Variants in NEGR1 observed in about 807,000 individuals in gnomAD.
NEGR1 encodes IgLON family member 4.
In NEGR1, 10 loss-of-function variants were observed where a neutral mutation model predicts 40.9. The ratio of observed to expected loss-of-function variants is 0.24; its 90% CI spans 0.15 to 0.42. The LOEUF (loss-of-function observed/expected upper bound fraction) is 0.42. Among genes scored for constraint, NEGR1 ranks in the 10% least tolerant of loss-of-function variants. NEGR1 has a pLI of 1.00. For missense variants in NEGR1, 352 were observed against 438.9 expected, an observed-to-expected ratio of 0.80 and a Z score of 1.77; for synonymous variants, 185 against 166.8, an observed-to-expected ratio of 1.11 and a Z score of -0.84.
intron 1 of NEGR1, among the ~76,000 whole-genome samples, chr1:72,136,008 T>C (rs928108383): frequency 1.3e-5 from 2 of 152,152 alleles, no homozygotes; most frequent in Non-Finnish European, 2.9e-5. Flanking sequence ...GATGAAACAA[T>C]TTCCAAGTAA....
At chr1:71,746,397 G>A (rs60397116) in intron 3 of NEGR1, among the ~76,000 whole-genome samples, 11,016 of 152,112 alleles carry the variant, frequency 0.072, 493 homozygotes, top group East Asian at 0.14. Context: ...AACTTAGATA[G>A]GTGTTTCAGC....
intron 6 of NEGR1, among the ~76,000 whole-genome samples, chr1:71,569,277 T>C (rs1012429705): frequency 1.3e-5 from 2 of 152,024 alleles, no homozygotes; most frequent in African/African-American, 4.8e-5. Flanking sequence ...TATATAAATT[T>C]CAGAATCTTA....
chr1:72,216,292 T>C (rs1653806730), intron 1 of NEGR1, among the ~76,000 whole-genome samples: 1 of 150,400 alleles, frequency 6.6e-6, no homozygotes, highest in Non-Finnish European at 1.5e-5. Flanking sequence ...GTTGACAGGT[T>C]CAGCAAACCA....
At chr1:72,143,057 G>C (rs560532916) in intron 1 of NEGR1, among the ~76,000 whole-genome samples, 3 of 151,920 alleles carry the variant, frequency 2.0e-5, no homozygotes, top group Admixed American at 2.0e-4. Context: ...GAGCAATACT[G>C]TTCTGATGAA....
chr1:72,187,297 T>C (rs534853961), intron 1 of NEGR1, among the ~76,000 whole-genome samples: 1 of 151,650 alleles, frequency 6.6e-6, no homozygotes, highest in East Asian at 1.9e-4. Context: ...TTTCGCCACA[T>C]TTCTGTTTAA....
chr1:71,670,299 A>T (rs1417532262), intron 4 of NEGR1, among the ~76,000 whole-genome samples: 1 of 151,806 alleles, frequency 6.6e-6, no homozygotes, highest in African/African-American at 2.4e-5. Context: ...TTGTTGAAAA[A>T]TTTGCTGCCT....
chr1:71,583,125 TAAA>T lies in NEGR1; in HGVS notation c.940+9689_940+9691del, dbSNP rs1479265093. On this transcript the variant is annotated intron_variant, in intron 6 of 6. Coordinates refer to ENST00000357731, the MANE Select transcript of NEGR1 (RefSeq NM_173808.3). ...GAGGAAGGGATACAGAAAGTAAAAA[TAAA>T]TAAATAAATAAATAAATAAATAAAT... Among the ~76,000 whole-genome samples the T allele has an allele frequency of 2.6e-3, 6 of 2,350 alleles. No individual in the cohort carries two copies. The Non-Finnish European group carries it at 0.16, about 61-fold the overall frequency. The allele number at this position is 2,350 out of a possible 152,430, so 1.5% of individuals were successfully genotyped here. A position where few individuals can be genotyped will look rare whatever the true frequency, so the allele number is the denominator to read the frequency against.
intron 6 of NEGR1, among the ~76,000 whole-genome samples, chr1:71,571,417 T>C (rs1273639695): frequency 6.6e-6 from 1 of 152,184 alleles, no homozygotes; most frequent in Non-Finnish European, 1.5e-5. Flanking sequence ...ATTGACCAAA[T>C]TGATTTTGCC....
intron 6 of NEGR1, among the ~76,000 whole-genome samples, chr1:71,552,788 C>T (rs1333811989): frequency 7.3e-5 from 11 of 151,096 alleles, no homozygotes; most frequent in Non-Finnish European, 1.5e-4. Flanking sequence ...AACTACTGCC[C>T]AACTCTGTTT....
intron 1 of NEGR1, among the ~76,000 whole-genome samples, chr1:72,230,265 G>T (rs1339652212): frequency 6.6e-6 from 1 of 152,058 alleles, no homozygotes; most frequent in African/African-American, 2.4e-5. Flanking sequence ...TCCTTAAAAA[G>T]AAGGTTAGAT....
chr1:71,642,701 C>T (rs1651395185), intron 4 of NEGR1, among the ~76,000 whole-genome samples: 1 of 151,826 alleles, frequency 6.6e-6, no homozygotes, highest in African/African-American at 2.4e-5. Context: ...CATTTGTTTA[C>T]TCAGTAGACT....
rs375108027 is a variant in NEGR1, at chr1:72,185,131, CTTCT to C, written c.176+97184_176+97187del. ...TGGCAGGTTATCCATACATGCTTTT[CTTCT>C]TTCTTCTAATCCCTCACTCTTCCTT... On this transcript the variant is annotated intron_variant, in intron 1 of 6. Coordinates refer to ENST00000357731, the MANE Select transcript of NEGR1 (RefSeq NM_173808.3). Among the ~76,000 whole-genome samples the C allele has an allele frequency of 1.5e-3, 233 of 151,994 alleles. 1 individual carries two copies. In the Middle Eastern group the frequency reaches 0.037, roughly 24 times the overall value.
intron 1 of NEGR1, among the ~76,000 whole-genome samples, chr1:72,191,627 C>A (rs977217441): frequency 6.6e-6 from 1 of 151,910 alleles, no homozygotes; most frequent in East Asian, 1.9e-4. Flanking sequence ...ATTCTAGAAT[C>A]CCTTTTTCTC....
At chr1:71,771,823 G>A (rs768161189) in intron 3 of NEGR1, among the ~76,000 whole-genome samples, 31 of 151,034 alleles carry the variant, frequency 2.1e-4, no homozygotes, top group Admixed American at 8.6e-4. Flanking sequence ...ACTAGTAAAA[G>A]CAGAAGGACT....
At chr1:72,192,336 T>C (rs1025738801) in intron 1 of NEGR1, among the ~76,000 whole-genome samples, 4 of 151,800 alleles carry the variant, frequency 2.6e-5, no homozygotes, top group African/African-American at 9.7e-5. Context: ...CCACTGGCTA[T>C]GGCAAAAAGG....
At chr1:71,850,026 C>T (rs1659551360) in intron 2 of NEGR1, among the ~76,000 whole-genome samples, 1 of 152,054 alleles carries the variant, frequency 6.6e-6, no homozygotes. Context: ...CCCAAATATG[C>T]CTGTATGTAT....
intron 1 of NEGR1, among the ~76,000 whole-genome samples, chr1:72,234,116 C>T (rs1306810494): frequency 1.3e-5 from 2 of 152,016 alleles, no homozygotes; most frequent in South Asian, 2.1e-4. Flanking sequence ...GTTATTTTTC[C>T]TGATCCTCTC....
chr1:71,831,231 C>A (rs1658829705), intron 2 of NEGR1, among the ~76,000 whole-genome samples: 1 of 151,984 alleles, frequency 6.6e-6, no homozygotes, highest in South Asian at 2.1e-4. Context: ...TCATTCAAAT[C>A]ACCAAGTACT....
rs576281193 is a variant in NEGR1, at chr1:71,402,395, T to TGAA, written c.*5048_*5050dup. On this transcript the variant is annotated 3_prime_UTR_variant, in exon 7 of 7. Transcript: ENST00000357731. ...CTGAAATGAAGCATGTTTCTTAGAC[T>TGAA]GAAGGAAAGCCCTGGGAGAGATTGG... The TGAA allele has an allele frequency of 1.5e-3, 232 of 152,292 alleles. No individual in the cohort carries two copies. Among genetic ancestry groups the TGAA allele is most frequent in the African/African-American group, 5.4e-3 (226 of 41,576 alleles). The allele number at this position is 152,292 out of a possible 1,614,324, so 9.4% of individuals were successfully genotyped here.
Sources: allele counts gnomAD v4.1 joint callset (sites outside exome capture counted in the v4.1 genomes callset), GRCh38; gene constraint gnomAD v4.1.1; transcripts MANE v1.5; gene names NCBI Gene and HGNC (gene_info 2026-07-23, HGNC 2026-07-21).